MRM1: variants seen among roughly 807,000 people sequenced by gnomAD.
MRM1 encodes rRNA methyltransferase 1, mitochondrial.
MRM1 carries 24 observed loss-of-function variants against 25.0 expected under a neutral mutation model. The observed-to-expected ratio is 0.96, with a 90% CI of 0.69 to 1.35. The LOEUF (loss-of-function observed/expected upper bound fraction) is 1.35, where lower values mean the gene tolerates loss of function less well. Among genes scored for constraint, MRM1 ranks in the 40% most tolerant of loss-of-function variants. The probability of loss-of-function intolerance (pLI) is 0.00; values close to 1 mark genes in which losing one functional copy is unlikely to be tolerated. For synonymous variants in MRM1, 188 were observed against 199.2 expected (o/e 0.94, Z 0.47); for missense variants, 431 against 464.1 (o/e 0.93, Z 0.65).
chr17:36,602,593 G>C lies in MRM1; in HGVS notation c.583G>C (p.Ala195Pro), dbSNP rs779260951. 6.8e-6 allele frequency: 11 copies of C among 1,614,092 alleles called. No homozygotes were observed. In the East Asian group the frequency reaches 1.8e-4, roughly 26 times the overall value. The change falls in exon 2 of 5, where the codon GCT becomes CCT. Residue 195 changes from alanine (A) to proline (P), a missense_variant. By Grantham distance (27) the Ala-to-Pro change is conservative. Coordinates refer to ENST00000614766, the MANE Select transcript of MRM1 (RefSeq NM_024864.5). The surrounding 1 kb of genome is among the most constrained non-coding windows in gnomAD (Gnocchi z 4.1). ...AGTAGTCAGCAAGTCCAGCGCGGGG[G>C]CTATGGAGGTGATGGACGTGTTCTC... ...TPVVSKSSAG[A>P]MEVMDVFSTD...
chr17:36,602,957 A>C lies in MRM1; in HGVS notation c.636+311A>C. The C allele has an allele frequency of 1.0e-6, 1 of 985,394 alleles. No homozygotes were observed. The highest frequency in any genetic ancestry group is 5.2e-4 in the Middle Eastern group (1 of 1,914). The allele number at this position is 985,394 out of a possible 1,614,324, so 61.0% of individuals were successfully genotyped here. A position where few individuals can be genotyped will look rare whatever the true frequency, so the allele number is the denominator to read the frequency against. On this transcript the variant is annotated intron_variant, in intron 2 of 4. Transcript: ENST00000614766. The surrounding 1 kb of genome is among the most constrained non-coding windows in gnomAD (Gnocchi z 4.1). ...GGGCTTCAGTAAATGCATTTTGTTC[A>C]GCTGTGGGGAGCTGCGTACAGGAGA...
Position 36,602,216 on chromosome 17 carries a change from G to C in MRM1, c.406G>C (p.Glu136Gln). 6.2e-7 allele frequency: 1 copy of C among 1,610,628 alleles called. No individual in the cohort carries two copies. The highest frequency in any genetic ancestry group is 8.5e-7 in the Non-Finnish European group (1 of 1,177,992). Residue 136 changes from glutamate to glutamine, a missense_variant, in exon 1 of 5, where the codon GAG becomes CAG. Coordinates refer to ENST00000614766, the MANE Select transcript of MRM1 (RefSeq NM_024864.5). This position sits in a 1 kb window ranked among gnomAD's most constrained non-coding sequence, Gnocchi z 4.1. The stretch of plus-strand genomic sequence containing the variant: ...GCCCCGGCCTTGGAGAGAGGCCGGG[G>C]AGGCGAGCCCAGGCGACGACCCCCA... ...LRPRPWREAG[E>Q]ASPGDDPQQL...
Position 36,602,212 on chromosome 17 carries a change from C to CG in MRM1, c.406dup (p.Glu136GlyfsTer38). On this transcript the variant is annotated frameshift_variant, in exon 1 of 5. Coordinates refer to ENST00000614766, the MANE Select transcript of MRM1 (RefSeq NM_024864.5). LOFTEE classifies it high-confidence loss of function. This position sits in a 1 kb window ranked among gnomAD's most constrained non-coding sequence, Gnocchi z 4.1. ...TGCGGCCCCGGCCTTGGAGAGAGGC[C>CG]GGGGAGGCGAGCCCAGGCGACGACC... The CG allele has an allele frequency of 6.2e-7, 1 of 1,610,470 alleles. No individual in the cohort carries two copies. Among genetic ancestry groups the CG allele is most frequent in the Non-Finnish European group, 8.5e-7 (1 of 1,177,888 alleles).
At chr17:36,620,715 G>A in the MRM1 span, among the ~76,000 whole-genome samples, 2 of 152,184 alleles carry the variant, frequency 1.3e-5, no homozygotes, top group African/African-American at 2.4e-5. Flanking sequence ...TGGGATGGAC[G>A]GGGCTGCAGC....
At chr17:36,626,416 G>T in the MRM1 span, among the ~76,000 whole-genome samples, 2 of 152,148 alleles carry the variant, frequency 1.3e-5, no homozygotes, top group Non-Finnish European at 2.9e-5. Flanking sequence ...AGGCTGGAGT[G>T]CAGTGGCGTG....
chr17:36,625,758 G>A, the MRM1 span, among the ~76,000 whole-genome samples: 1,103 of 151,922 alleles, frequency 7.3e-3, 18 homozygotes, highest in African/African-American at 0.024. Flanking sequence ...CACTGCACCC[G>A]GCCCCTTTTG....
chr17:36,625,936 C>T, the MRM1 span, among the ~76,000 whole-genome samples: 2 of 152,082 alleles, frequency 1.3e-5, no homozygotes, highest in East Asian at 3.9e-4. Flanking sequence ...CAGCTCAAAT[C>T]TCATCACCCC....
chr17:36,601,683 G>C lies in MRM1; in HGVS notation c.-128G>C. ...CGGGGCTGTTTGTTCCTGTCCGAGA[G>C]AGCTCGGCGGAGACGGCTGTCGAGT... On this transcript the variant is annotated 5_prime_UTR_variant, in exon 1 of 5. Transcript: ENST00000614766. The C allele has an allele frequency of 3.0e-6, 3 of 1,012,462 alleles. No individual in the cohort carries two copies. Among genetic ancestry groups the C allele is most frequent in the Admixed American group, 2.9e-5 (1 of 34,332 alleles). The allele number at this position is 1,012,462 out of a possible 1,614,324, so 62.7% of individuals were successfully genotyped here.
chr17:36,607,157 C>T (rs1386352357), intron 2 of MRM1, among the ~76,000 whole-genome samples: 1 of 151,334 alleles, frequency 6.6e-6, no homozygotes, highest in Non-Finnish European at 1.5e-5. Context: ...CAGGTGATCC[C>T]CCTGCCTTGG....
rs2142831944 is a variant in MRM1, at chr17:36,602,427, G to A, written c.542+75G>A. The A allele has an allele frequency of 6.4e-7, 1 of 1,564,740 alleles. No homozygotes were observed. On this transcript the variant is annotated intron_variant, in intron 1 of 4. Coordinates refer to ENST00000614766, the MANE Select transcript of MRM1 (RefSeq NM_024864.5). The surrounding 1 kb of genome is among the most constrained non-coding windows in gnomAD (Gnocchi z 4.1). ...AGTTCCTAAGCACCTTGGCCCTTGG[G>A]TGATCCCTTAGCCAGACTTACCTGT...
the MRM1 span, among the ~76,000 whole-genome samples, chr17:36,629,995 C>G: frequency 6.6e-6 from 1 of 152,138 alleles, no homozygotes; most frequent in African/African-American, 2.4e-5. Flanking sequence ...GAGAGCAAGA[C>G]CCAGGCACAG....
chr17:36,603,401 AT>A, intron 2 of MRM1: 1 of 170,446 alleles, frequency 5.9e-6, no homozygotes, highest in Non-Finnish European at 1.2e-5. Flanking sequence ...TTTAATTATT[AT>A]TAATATTATT....
chr17:36,627,656 CTGTCTTCTT>C, the MRM1 span, among the ~76,000 whole-genome samples: 1 of 148,386 alleles, frequency 6.7e-6, no homozygotes, highest in Non-Finnish European at 1.5e-5. Context: ...ACTACTCATC[CTGTCTTCTT>C]TGGACACTGT....
At chr17:36,604,755 G>C (rs1401623356) in intron 2 of MRM1, among the ~76,000 whole-genome samples, 1 of 151,638 alleles carries the variant, frequency 6.6e-6, no homozygotes, top group Non-Finnish European at 1.5e-5. Context: ...GTAGTGAGCC[G>C]AGATTGTGCC....
the MRM1 span, among the ~76,000 whole-genome samples, chr17:36,627,992 C>T: frequency 6.6e-6 from 1 of 152,072 alleles, no homozygotes; most frequent in Non-Finnish European, 1.5e-5. Flanking sequence ...TATTTTTGAA[C>T]ATCAACAGGG....
intron 2 of MRM1, among the ~76,000 whole-genome samples, chr17:36,606,913 T>TG (rs2074934391): frequency 6.9e-6 from 1 of 144,624 alleles, no homozygotes; most frequent in African/African-American, 2.6e-5. Flanking sequence ...GCCTGGTTTT[T>TG]TGTTTTTTTT....
At chr17:36,607,649 A>T in intron 2 of MRM1, 21 bp from the exon 3 acceptor site, 1 of 1,600,934 alleles carries the variant, frequency 6.2e-7, no homozygotes, top group Non-Finnish European at 8.5e-7. Flanking sequence ...GAATTAGAAC[A>T]TATCTTCTTC....
the MRM1 span, among the ~76,000 whole-genome samples, chr17:36,632,843 G>C: frequency 6.6e-6 from 1 of 152,196 alleles, no homozygotes; most frequent in East Asian, 1.9e-4. Context: ...CAGACTTACA[G>C]GTGGAGAAGG....
chr17:36,612,612 G>C (rs952151703), downstream of MRM1, among the ~76,000 whole-genome samples: 19 of 152,236 alleles, frequency 1.2e-4, no homozygotes, highest in African/African-American at 4.6e-4. Context: ...AGTCAGAGGA[G>C]AGAGCAGTGG....
Sources: gnomAD v4.1 joint callset for allele counts (sites outside exome capture counted in the v4.1 genomes callset) on GRCh38, gnomAD v4.1.1 for gene constraint, Gnocchi (gnomAD v3.1) non-coding constraint, MANE v1.5 for transcripts, NCBI Gene and HGNC (gene_info 2026-07-23, HGNC 2026-07-21) for gene names.